The following SP3 variants were observed in gnomAD, a reference collection of about 807,000 sequenced individuals.
SP3 encodes Sp3 transcription factor.
A neutral mutation model predicts 70.3 loss-of-function variants in SP3; 10 were observed. The observed-to-expected ratio is 0.14, with a 90% CI of 0.09 to 0.24. SP3 has a LOEUF of 0.24. SP3 is among the 10% of genes least tolerant of loss of function. The pLI, the probability that SP3 is intolerant of heterozygous loss-of-function variation, is 1.00. For missense variants in SP3, 825 were observed against 914.6 expected (o/e 0.90, Z 1.26); for synonymous variants, 402 against 333.5 (o/e 1.21, Z -2.24).
Position 173,921,530 on chromosome 2 carries a change from A to AAAAC in SP3, c.1640-2749_1640-2746dup, listed in dbSNP as rs57470941. On this transcript the variant is annotated intron_variant, in intron 4 of 6. Transcript: ENST00000310015. ...GAGAGAGCGGTCCCGTCACTATCCA[A>AAAAC]AAACAAACAAACAAACAAACAAACA... Among the ~76,000 whole-genome samples, 750 of 150,058 alleles carry AAAAC rather than the reference A, an allele frequency of 5.0e-3. 8 individuals carry two copies. The East Asian group carries it at 0.056, about 11-fold the overall frequency.
At chr2:173,910,546 T>C (rs906004553) in intron 6 of SP3, among the ~76,000 whole-genome samples, 1 of 152,232 alleles carries the variant, frequency 6.6e-6, no homozygotes, top group African/African-American at 2.4e-5. Context: ...TAAGAGTTTG[T>C]TTGAAATACC....
At chr2:173,965,109 T>C in intron 1 of SP3, 56 bp downstream of exon 1, 1 of 1,543,456 alleles carries the variant, frequency 6.5e-7, no homozygotes, top group Non-Finnish European at 8.7e-7. Context: ...CTGGCTGTGG[T>C]CGGCGGCAGC....
At chr2:173,946,885 C>CTTTT (rs3045255) in intron 4 of SP3, among the ~76,000 whole-genome samples, 2 of 146,724 alleles carry the variant, frequency 1.4e-5, no homozygotes, top group African/African-American at 2.5e-5. Context: ...CCACGCCTGG[C>CTTTT]TTTTTTTTTT....
In SP3 at chr2:173,955,732, C is replaced by T. The variant is rs776283309; in HGVS notation, c.780G>A (p.Leu260=). ...TTGGTACAAACGTAATATTTCCTGG[C>T]AGACCAAGAGGCACATTAGCAACTA... ...TQVVANVPLG[L]PGNITFVPIN... The change falls in exon 4 of 7, where the codon CTG becomes CTA. Residue 260 remains leucine (L), a synonymous_variant. Transcript: ENST00000310015. 3.3e-5 allele frequency: 53 copies of T among 1,614,070 alleles called. No homozygotes were observed. The highest frequency in any genetic ancestry group is 1.3e-4 in the Admixed American group (8 of 60,004).
chr2:173,944,578 A>G (rs895276551), intron 4 of SP3, among the ~76,000 whole-genome samples: 1 of 152,184 alleles, frequency 6.6e-6, no homozygotes. Flanking sequence ...TAAAATGATG[A>G]GGCAGTTTAG....
At chr2:173,913,334 C>A (rs1052455082) in intron 5 of SP3, 68 bp from the exon 6 acceptor site, 1 of 1,108,180 alleles carries the variant, frequency 9.0e-7, no homozygotes, top group East Asian at 2.9e-5. Context: ...CCATTTACAT[C>A]ATATATCCCC....
In SP3 at chr2:173,964,568, CG is replaced by C. The variant is rs770275052; in HGVS notation, c.8-16del. 53 of 225,614 alleles carry C rather than the reference CG, an allele frequency of 2.3e-4. No homozygotes were observed. Among genetic ancestry groups the C allele is most frequent in the East Asian group, 8.3e-4 (7 of 8,398 alleles). The allele number at this position is 225,614 out of a possible 1,614,324, so 14.0% of individuals were successfully genotyped here. A position where few individuals can be genotyped will look rare whatever the true frequency, so the allele number is the denominator to read the frequency against. ...CTTTTCGGGAGCTGCAGGCACAGCG[CG>C]GGGGGGTGGGGGTGGGGAGGAAGGC... On this transcript the variant is annotated splice_polypyrimidine_tract_variant and intron_variant, in intron 1 of 6. Coordinates refer to ENST00000310015, the MANE Select transcript of SP3 (RefSeq NM_003111.5).
At chr2:173,946,378 A>C (rs909338612) in intron 4 of SP3, among the ~76,000 whole-genome samples, 3 of 151,960 alleles carry the variant, frequency 2.0e-5, no homozygotes, top group African/African-American at 7.3e-5. Flanking sequence ...TCCTGGCCTC[A>C]AGCAATTCTC....
rs1180263754 is a variant in SP3 at position 173,955,264 on chromosome 2, A to G, written c.1248T>C (p.Ile416=). Residue 416 remains isoleucine, a synonymous_variant, in exon 4 of 7, where the codon ATT becomes ATC. Coordinates refer to ENST00000310015, the MANE Select transcript of SP3 (RefSeq NM_003111.5). ...PTSQAQIVQG[I]TPQTIHGVQA... ...GCACACCATGGATTGTCTGTGGTGT[A>G]ATACCTTGCACAATTTGGGCTTGAC... The G allele has an allele frequency of 5.0e-6, 8 of 1,614,136 alleles. No homozygotes were observed. The South Asian group carries it at 6.6e-5, about 13-fold the overall frequency.
In SP3 at chr2:173,904,317, G is replaced by A. The variant is rs1401711572; in HGVS notation, c.*5624C>T. On this transcript the variant is annotated 3_prime_UTR_variant, in exon 7 of 7. Coordinates refer to ENST00000310015, the MANE Select transcript of SP3 (RefSeq NM_003111.5). ...TGGGGACCCTTTTCTATAGGATCAAGTCATCAACTCTATGGTGTTTTACGA... is the reference window on the plus strand; with the variant it reads ...TGGGGACCCTTTTCTATAGGATCAAATCATCAACTCTATGGTGTTTTACGA... Among the ~76,000 whole-genome samples, 3 of 152,106 alleles carry A rather than the reference G, an allele frequency of 2.0e-5. No homozygotes were observed. Among genetic ancestry groups the A allele is most frequent in the Non-Finnish European group, 2.9e-5 (2 of 68,016 alleles).
rs1689183005 is a variant in SP3, at chr2:173,901,191, AC to A, written c.*8749del. Among the ~76,000 whole-genome samples, 1 of 109,542 alleles carries A rather than the reference AC, an allele frequency of 9.1e-6. No individual in the cohort carries two copies. The highest frequency in any genetic ancestry group is 2.1e-5 in the Non-Finnish European group (1 of 46,988). The allele number at this position is 109,542 out of a possible 152,430, so 71.9% of individuals were successfully genotyped here. On this transcript the variant is annotated 3_prime_UTR_variant, in exon 7 of 7. Coordinates refer to ENST00000310015, the MANE Select transcript of SP3 (RefSeq NM_003111.5). ...ACAAAAGTAATTTCAAAGTGAATTA[AC>A]AAGATAAATAGAAAGGCAAAATCAT... is the stretch of plus-strand genomic sequence containing the variant.
At chr2:173,915,804 T>C (rs1157772614) in intron 5 of SP3, 3 of 152,102 alleles carry the variant, frequency 2.0e-5, no homozygotes, top group Admixed American at 6.6e-5. Context: ...AAACAGTCTC[T>C]GAAAGCTGGT....
intron 4 of SP3, among the ~76,000 whole-genome samples, chr2:173,929,368 A>G (rs140581535): frequency 6.6e-6 from 1 of 152,306 alleles, no homozygotes; most frequent in African/African-American, 2.4e-5. Flanking sequence ...CAAATATCCC[A>G]TCCAGTCTCA....
At chr2:173,962,903 A>G (rs944845141) in intron 3 of SP3, 10 of 152,224 alleles carry the variant, frequency 6.6e-5, no homozygotes, top group Admixed American at 3.9e-4. Context: ...CCCCTCATAT[A>G]ACACAGGCGA....
rs1159451926 is a variant in SP3 at position 173,901,858 on chromosome 2, C to T, written c.*8083G>A. ...CTGGGATTGCAGGCATGCGCCACCA[C>T]CCCCAGCTAATTTTGTACTTTTCAT... On this transcript the variant is annotated 3_prime_UTR_variant, in exon 7 of 7. Coordinates refer to ENST00000310015, the MANE Select transcript of SP3 (RefSeq NM_003111.5). Among the ~76,000 whole-genome samples, 2 of 152,076 alleles carry T rather than the reference C, an allele frequency of 1.3e-5. No individual in the cohort carries two copies. Among genetic ancestry groups the T allele is most frequent in the South Asian group, 2.1e-4 (1 of 4,834 alleles).
In SP3 at chr2:173,905,077, T is replaced by C. The variant is rs554422214; in HGVS notation, c.*4864A>G. 3.9e-5 allele frequency among the ~76,000 whole-genome samples: 6 copies of C among 152,362 alleles called. No homozygotes were observed. Among genetic ancestry groups the C allele is most frequent in the East Asian group, 1.9e-4 (1 of 5,194 alleles). On this transcript the variant is annotated 3_prime_UTR_variant, in exon 7 of 7. Coordinates refer to ENST00000310015, the MANE Select transcript of SP3 (RefSeq NM_003111.5). Reference sequence around the variant, plus strand: ...GTCTTTTCTTCTTATTCCATCCTTTTCTGATAGGGCAGTCACTTCAGACAC... The same window carrying C: ...GTCTTTTCTTCTTATTCCATCCTTTCCTGATAGGGCAGTCACTTCAGACAC...
rs1007138130 is a variant in SP3, at chr2:173,904,222, C to A, written c.*5719G>T. Among the ~76,000 whole-genome samples the A allele has an allele frequency of 6.6e-6, 1 of 152,080 alleles. No individual in the cohort carries two copies. Among genetic ancestry groups the A allele is most frequent in the Non-Finnish European group, 1.5e-5 (1 of 67,990 alleles). ...GGCCTGGTTCCTCACAGACCAGGGA[C>A]CAGGACCAGTCTGTGGCCCAGGTGG... On this transcript the variant is annotated 3_prime_UTR_variant, in exon 7 of 7. Transcript: ENST00000310015.
intron 1 of SP3, 144 bp from the exon 2 acceptor site, chr2:173,964,697 CGG>C: frequency 2.8e-6 from 1 of 351,068 alleles, no homozygotes; most frequent in Non-Finnish European, 5.0e-6. Flanking sequence ...GCGGCGGCGG[CGG>C]CGGCGGCTCC....
intron 6 of SP3, 83 bp downstream of exon 6, chr2:173,912,987 A>T: frequency 9.8e-7 from 1 of 1,016,116 alleles, no homozygotes; most frequent in Non-Finnish European, 1.4e-6. Context: ...TCAGTTCAGT[A>T]AGGAATGCTA....
Sources: gnomAD v4.1 joint callset for allele counts (sites outside exome capture counted in the v4.1 genomes callset) on GRCh38, gnomAD v4.1.1 for gene constraint, MANE v1.5 for transcripts, NCBI Gene and HGNC (gene_info 2026-07-23, HGNC 2026-07-21) for gene names.